The following SGMS1 variants were observed in gnomAD, a reference collection of about 807,000 sequenced individuals.
SGMS1 encodes sphingomyelin synthase 1, also known as phosphatidylcholine:ceramide cholinephosphotransferase 1.
SGMS1 carries 13 observed loss-of-function variants against 46.2 expected under a neutral mutation model. The observed-to-expected ratio is 0.28, with a 90% confidence interval of 0.18 to 0.45. The LOEUF (loss-of-function observed/expected upper bound fraction) is 0.45, where lower values mean the gene tolerates loss of function less well. Among genes scored for constraint, SGMS1 ranks in the 20% least tolerant of loss-of-function variants. The probability of loss-of-function intolerance (pLI) is 1.00; values close to 1 mark genes in which losing one functional copy is unlikely to be tolerated. For synonymous variants in SGMS1, 203 were observed against 187.8 expected (o/e 1.08, Z -0.66); for missense variants, 324 against 519.9 (o/e 0.62, Z 3.66).
At chr10:50,349,093 T>C (rs1000719971) in intron 6 of SGMS1, among the ~76,000 whole-genome samples, 3 of 152,204 alleles carry the variant, frequency 2.0e-5, no homozygotes, top group African/African-American at 7.2e-5. Context: ...GGAACTCGAA[T>C]ATTGCAAAGG....
At chr10:50,491,714 T>G (rs546061676) in intron 3 of SGMS1, among the ~76,000 whole-genome samples, 103 of 152,234 alleles carry the variant, frequency 6.8e-4, no homozygotes, top group Non-Finnish European at 3.5e-4. Context: ...ACCAGACAGA[T>G]TCACAGCTGA....
Position 50,343,774 on chromosome 10 carries a change from T to C in SGMS1, c.341A>G (p.Glu114Gly), listed in dbSNP as rs779978753. Residue 114 changes from glutamate (E) to glycine (G), a missense_variant, in exon 7 of 11, where the codon GAG becomes GGG. Glu to Gly is a moderately conservative substitution (Grantham distance 98). Around this residue, in one of 2 missense-constraint regions of SGMS1, gnomAD observed 150 missense variants for 169.8 expected, o/e 0.88. Transcript: ENST00000361781. ...PNGMPNGYRKEMIKIPMPELE... is the reference protein window; with the variant it reads ...PNGMPNGYRKGMIKIPMPELE... ...TTCTGGCATGGGGATCTTTATCATC[T>C]CTTTCCTATACCCATTTGGCATCCC... 3.7e-6 allele frequency: 6 copies of C among 1,614,082 alleles called. No individual in the cohort carries two copies. In the East Asian group the frequency reaches 8.9e-5, roughly 24 times the overall value.
intron 5 of SGMS1, among the ~76,000 whole-genome samples, chr10:50,438,896 G>A (rs1370223166): frequency 7.9e-5 from 12 of 152,208 alleles, no homozygotes; most frequent in African/African-American, 2.4e-4. Flanking sequence ...AATAGCAATC[G>A]TATAAATGGC....
intron 6 of SGMS1, among the ~76,000 whole-genome samples, chr10:50,353,648 T>G (rs902128579): frequency 6.6e-6 from 1 of 152,286 alleles, no homozygotes; most frequent in African/African-American, 2.4e-5. Flanking sequence ...GAAGTCAAAT[T>G]GTCCCTGTTT....
chr10:50,497,535 A>G (rs906196241), intron 3 of SGMS1, among the ~76,000 whole-genome samples: 18 of 152,142 alleles, frequency 1.2e-4, no homozygotes, highest in African/African-American at 4.3e-4. Flanking sequence ...GCTCACGCCT[A>G]TAATCCCAGC....
intron 2 of SGMS1, among the ~76,000 whole-genome samples, chr10:50,569,008 T>A (rs1049673035): frequency 2.0e-5 from 3 of 152,136 alleles, no homozygotes; most frequent in African/African-American, 7.2e-5. Flanking sequence ...GGGACATGGA[T>A]GAAGCTGGAA....
chr10:50,568,433 TG>T (rs1434465709), intron 2 of SGMS1, among the ~76,000 whole-genome samples: 1 of 152,210 alleles, frequency 6.6e-6, no homozygotes, highest in Non-Finnish European at 1.5e-5. Context: ...ACCCTCCAGT[TG>T]CCTAAATTCC....
intron 6 of SGMS1, among the ~76,000 whole-genome samples, chr10:50,381,534 T>C (rs1848606073): frequency 6.6e-6 from 1 of 152,234 alleles, no homozygotes; most frequent in Admixed American, 6.5e-5. Flanking sequence ...CAATTGCTTT[T>C]GGCCTTAGGG....
intron 1 of SGMS1, among the ~76,000 whole-genome samples, chr10:50,606,670 G>A (rs1011045963): frequency 6.6e-6 from 1 of 152,208 alleles, no homozygotes; most frequent in African/African-American, 2.4e-5. Flanking sequence ...CTAAAGAGCA[G>A]GATGCATTCT....
upstream of SGMS1, chr10:50,624,869 G>C (rs1394505939): frequency 3.0e-6 from 3 of 998,378 alleles, no homozygotes; most frequent in Non-Finnish European, 3.6e-6. Context: ...CTCCCGCGGG[G>C]TCGGGGACTT....
chr10:50,402,136 G>A (rs985569319), intron 6 of SGMS1, among the ~76,000 whole-genome samples: 1 of 152,050 alleles, frequency 6.6e-6, no homozygotes, highest in Non-Finnish European at 1.5e-5. Context: ...CCTAATTAAT[G>A]GCATCATCCA....
chr10:50,544,325 C>T (rs1212247369), intron 2 of SGMS1, among the ~76,000 whole-genome samples: 1 of 152,180 alleles, frequency 6.6e-6, no homozygotes, highest in African/African-American at 2.4e-5. Flanking sequence ...AGGATATGAA[C>T]CTCTTACAGA....
chr10:50,309,972 T>C (rs551622684), intron 9 of SGMS1, among the ~76,000 whole-genome samples: 193 of 152,280 alleles, frequency 1.3e-3, no homozygotes, highest in African/African-American at 4.5e-3. Context: ...GTCTCCAGTT[T>C]GGTCCCCCAT....
chr10:50,458,655 G>A (rs1266356592), intron 5 of SGMS1, among the ~76,000 whole-genome samples: 3 of 151,874 alleles, frequency 2.0e-5, no homozygotes, highest in African/African-American at 7.3e-5. Context: ...CACCGCTTCC[G>A]GCCGGCTCTA....
chr10:50,570,977 A>C (rs927873021), intron 2 of SGMS1, among the ~76,000 whole-genome samples: 3 of 152,124 alleles, frequency 2.0e-5, no homozygotes, highest in African/African-American at 7.2e-5. Flanking sequence ...AAATAAAATA[A>C]ATTAAAATTT....
At chr10:50,543,840 G>GA (rs1351771054) in intron 2 of SGMS1, among the ~76,000 whole-genome samples, 3 of 151,940 alleles carry the variant, frequency 2.0e-5, no homozygotes, top group Non-Finnish European at 4.4e-5. Context: ...TCTATGTTTA[G>GA]AAAAATTTTT....
At chr10:50,532,179 C>G (rs1417294758) in intron 2 of SGMS1, among the ~76,000 whole-genome samples, 1 of 151,446 alleles carries the variant, frequency 6.6e-6, no homozygotes, top group Non-Finnish European at 1.5e-5. Context: ...AGAGATATGT[C>G]CCTTAGGTTC....
intron 2 of SGMS1, among the ~76,000 whole-genome samples, chr10:50,532,508 T>C (rs1207300802): frequency 2.0e-5 from 3 of 152,190 alleles, no homozygotes; most frequent in African/African-American, 7.2e-5. Context: ...TCATCAGAAA[T>C]ATGCCATAGG....
chr10:50,617,194 T>C lies in SGMS1; in HGVS notation c.-684+6513A>G, dbSNP rs544092825. On this transcript the variant is annotated intron_variant, in intron 1 of 10. Transcript: ENST00000361781. The stretch of plus-strand genomic sequence containing the variant: ...TGCATAGTGGTGACAACAATGTAAA[T>C]GTACTTGATGCCACTGAATTATACA... Among the ~76,000 whole-genome samples the C allele has an allele frequency of 2.6e-5, 4 of 152,304 alleles. No individual in the cohort carries two copies. In the East Asian group the frequency reaches 7.7e-4, roughly 29 times the overall value.
Sources: gnomAD v4.1 joint callset for allele counts (sites outside exome capture counted in the v4.1 genomes callset) on GRCh38, gnomAD v4.1.1 for gene constraint, gnomAD v4.1.1 regional missense constraint, MANE v1.5 for transcripts, NCBI Gene and HGNC (gene_info 2026-07-23, HGNC 2026-07-21) for gene names.